Variants in SSH2 observed in about 807,000 individuals in gnomAD.
The protein encoded by SSH2 is slingshot protein phosphatase 2, also known as protein phosphatase Slingshot homolog 2.
Under a neutral mutation model 135.2 loss-of-function variants are expected in SSH2, and 37 were observed. That is an observed-to-expected ratio of 0.27 (90% CI 0.21 to 0.36). SSH2 has a LOEUF of 0.36. SSH2 is among the 10% of genes least tolerant of loss of function. SSH2 has a pLI of 1.00. For missense variants in SSH2, 1,408 were observed against 1,765.3 expected (o/e 0.80, Z 3.63); for synonymous variants, 628 against 646.2 (o/e 0.97, Z 0.43).
chr17:29,814,575 TC>T (rs1228159723), intron 2 of SSH2, among the ~76,000 whole-genome samples: 1 of 152,024 alleles, frequency 6.6e-6, no homozygotes, highest in Non-Finnish European at 1.5e-5. Context: ...AAAAATGCAT[TC>T]TAATAAAAGA....
At chr17:29,920,388 A>T (rs1021334240) in intron 1 of SSH2, among the ~76,000 whole-genome samples, 14 of 152,242 alleles carry the variant, frequency 9.2e-5, no homozygotes, top group African/African-American at 3.4e-4. Context: ...CTTGAGTGAA[A>T]ATTCAAAATG....
At chr17:29,898,479 C>T (rs1261354011) in intron 1 of SSH2, among the ~76,000 whole-genome samples, 1 of 152,082 alleles carries the variant, frequency 6.6e-6, no homozygotes, top group African/African-American at 2.4e-5. Context: ...ATACAAACTA[C>T]CATCAGAGAA....
intron 3 of SSH2, among the ~76,000 whole-genome samples, chr17:29,771,117 C>T (rs73263640): frequency 0.015 from 2,231 of 152,292 alleles, 58 homozygotes; most frequent in African/African-American, 0.05. Flanking sequence ...GTTTATAGTA[C>T]GCTGTGACAC....
chr17:29,798,422 G>A (rs2042195495), intron 2 of SSH2, among the ~76,000 whole-genome samples: 1 of 152,114 alleles, frequency 6.6e-6, no homozygotes, highest in African/African-American at 2.4e-5. Context: ...CTCCCAAAGT[G>A]CTGGGATTAC....
chr17:29,744,883 G>GTGTGTGTGTGTT (rs1696829840), intron 3 of SSH2, among the ~76,000 whole-genome samples: 1 of 151,160 alleles, frequency 6.6e-6, no homozygotes, highest in African/African-American at 2.5e-5. Context: ...GTGTGTGTGT[G>GTGTGTGTGTGTT]TGTGTGTGTG....
At chr17:29,635,890 A>G (rs1428225849) in intron 15 of SSH2, 78 bp downstream of exon 15, 3 of 1,130,442 alleles carry the variant, frequency 2.7e-6, no homozygotes, top group Non-Finnish European at 3.8e-6. Context: ...TCCATCAAAA[A>G]CAAACATAAC....
chr17:29,929,570 C>T (rs1455748190), intron 1 of SSH2, among the ~76,000 whole-genome samples: 1 of 152,010 alleles, frequency 6.6e-6, no homozygotes, highest in Non-Finnish European at 1.5e-5. Flanking sequence ...GGGTAAGGGG[C>T]AACGCAGGAG....
Position 29,655,933 on chromosome 17 carries a change from TCTC to T in SSH2, c.1033-329_1033-327del, listed in dbSNP as rs2036761753. ...CTTCTGTTATTCTTGCTCATAGTAA[TCTC>T]CTATTTTCCTCAACAGCATGTATCA... On this transcript the variant is annotated intron_variant, in intron 11 of 15. Transcript: ENST00000540801. Among the ~76,000 whole-genome samples the T allele has an allele frequency of 2.6e-5, 4 of 152,322 alleles. No homozygotes were observed. In the South Asian group the frequency reaches 8.3e-4, roughly 32 times the overall value.
chr17:29,827,527 G>A (rs2042766714), intron 2 of SSH2, among the ~76,000 whole-genome samples: 1 of 152,136 alleles, frequency 6.6e-6, no homozygotes, highest in African/African-American at 2.4e-5. Flanking sequence ...AGAAGCCCAA[G>A]AATTAAGCTC....
At chr17:29,900,670 T>A (rs1213373407) in intron 1 of SSH2, among the ~76,000 whole-genome samples, 1 of 152,104 alleles carries the variant, frequency 6.6e-6, no homozygotes, top group East Asian at 1.9e-4. Flanking sequence ...AACACTTTTA[T>A]GCTATTGGTT....
At chr17:29,767,829 GTCTTTACTAT>G (rs2041483404) in intron 3 of SSH2, among the ~76,000 whole-genome samples, 1 of 151,764 alleles carries the variant, frequency 6.6e-6, no homozygotes, top group Non-Finnish European at 1.5e-5. Flanking sequence ...GTTGTTTCCA[GTCTTTACTAT>G]TATATACAAT....
rs147902123 is a variant in SSH2 at position 29,828,790 on chromosome 17, G to A, written c.144+20059C>T. Among the ~76,000 whole-genome samples, 4 of 152,260 alleles carry A rather than the reference G, an allele frequency of 2.6e-5. No homozygotes were observed. The East Asian group carries it at 5.8e-4, about 22-fold the overall frequency. Reference sequence around the variant, plus strand: ...TTTGTTCAGCAGTATAATTACAGACGTTACCTAGTATTGTGGGAAACAAAG... The same window carrying A: ...TTTGTTCAGCAGTATAATTACAGACATTACCTAGTATTGTGGGAAACAAAG... On this transcript the variant is annotated intron_variant, in intron 2 of 15. Transcript: ENST00000540801.
At chr17:29,802,016 C>A (rs568801728) in intron 2 of SSH2, among the ~76,000 whole-genome samples, 5 of 152,270 alleles carry the variant, frequency 3.3e-5, no homozygotes, top group Admixed American at 3.3e-4. Flanking sequence ...TTTACTTGAT[C>A]TCAATTTTTA....
intron 3 of SSH2, among the ~76,000 whole-genome samples, chr17:29,766,096 A>T (rs1167016461): frequency 2.1e-5 from 1 of 47,548 alleles, no homozygotes; most frequent in Non-Finnish European, 5.5e-5. Context: ...TATTATTATT[A>T]TCATCATCAT....
In SSH2 at chr17:29,908,757, C is replaced by T. The variant is rs554478163; in HGVS notation, c.63+21181G>A. ...CCAGTTTGGGCAACAGAGCAAGACTCCATCTGAAAAAAAAAAAAAAAAAAA... is the reference window on the plus strand; with the variant it reads ...CCAGTTTGGGCAACAGAGCAAGACTTCATCTGAAAAAAAAAAAAAAAAAAA... On this transcript the variant is annotated intron_variant, in intron 1 of 15. Coordinates refer to ENST00000540801, the MANE Select transcript of SSH2 (RefSeq NM_001282129.2). 6.9e-5 allele frequency among the ~76,000 whole-genome samples: 8 copies of T among 115,840 alleles called. No individual in the cohort carries two copies. The South Asian group carries it at 2.2e-3, about 32-fold the overall frequency. 76.0% of individuals were successfully genotyped at this position (115,840 alleles called of 152,430 possible). A position where few individuals can be genotyped will look rare whatever the true frequency, so the allele number is the denominator to read the frequency against.
chr17:29,879,060 T>C (rs1324458677), intron 1 of SSH2, among the ~76,000 whole-genome samples: 3 of 152,210 alleles, frequency 2.0e-5, no homozygotes, highest in Admixed American at 1.3e-4. Flanking sequence ...TGTCTGTACA[T>C]TTTACTTTTT....
At chr17:29,896,461 T>G (rs2066447161) in intron 1 of SSH2, among the ~76,000 whole-genome samples, 1 of 149,546 alleles carries the variant, frequency 6.7e-6, no homozygotes, top group Non-Finnish European at 1.5e-5. Context: ...AAATATTGCA[T>G]AGCTTATATG....
At chr17:29,886,222 T>A (rs904476608) in intron 1 of SSH2, among the ~76,000 whole-genome samples, 3 of 152,162 alleles carry the variant, frequency 2.0e-5, no homozygotes, top group African/African-American at 7.2e-5. Flanking sequence ...TTGACCAAAA[T>A]GCTCATAGCG....
At chr17:29,839,638 T>C (rs941625207) in intron 2 of SSH2, among the ~76,000 whole-genome samples, 1 of 152,330 alleles carries the variant, frequency 6.6e-6, no homozygotes, top group Middle Eastern at 3.4e-3. Flanking sequence ...AAGAAATATG[T>C]CAGGTCTCAT....
Sources: gnomAD v4.1 joint callset for allele counts (sites outside exome capture counted in the v4.1 genomes callset) on GRCh38, gnomAD v4.1.1 for gene constraint, MANE v1.5 for transcripts, NCBI Gene and HGNC (gene_info 2026-07-23, HGNC 2026-07-21) for gene names.